Variants in SLC38A2 observed in about 807,000 individuals in gnomAD.
The protein encoded by SLC38A2 is solute carrier family 38 member 2, also known as sodium-coupled neutral amino acid symporter 2.
In SLC38A2, 11 loss-of-function variants were observed where a neutral mutation model predicts 61.5. The observed-to-expected ratio is 0.18, with a 90% CI of 0.11 to 0.30. SLC38A2 has a LOEUF of 0.30. Among genes scored for constraint, SLC38A2 ranks in the 10% least tolerant of loss-of-function variants. The pLI is 1.00. For missense variants in SLC38A2, 522 were observed against 600.4 expected (o/e 0.87, Z 1.36); for synonymous variants, 217 against 212.5 (o/e 1.02, Z -0.18).
chr12:46,372,422 T>A (rs1020195761), intron 1 of SLC38A2, 87 bp downstream of exon 1: 12 of 333,228 alleles, frequency 3.6e-5, no homozygotes, highest in Admixed American at 9.8e-5. Flanking sequence ...CGCGGCCGCC[T>A]TCCCGCGCGG....
In SLC38A2 at chr12:46,363,755, G is replaced by A; in HGVS notation, c.1025C>T (p.Ala342Val). Reference protein sequence around the residue: ...FFAMFLMYLLAALFGYLTFYE... With the variant: ...FFAMFLMYLLVALFGYLTFYE... ...AAATGTTAGGTATCCAAAGAGGGCG[G>A]CAAGCAGATACATGAGAAACATAGC... Residue 342 changes from alanine (A) to valine (V), a missense_variant, in exon 12 of 16, where the codon GCC (alanine) becomes GTC (valine). By Grantham distance (64) the Ala-to-Val change is moderately conservative. Coordinates refer to ENST00000256689, the MANE Select transcript of SLC38A2 (RefSeq NM_018976.5). 6.3e-7 allele frequency: 1 copy of A among 1,591,358 alleles called. No individual in the cohort carries two copies. Among genetic ancestry groups the A allele is most frequent in the South Asian group, 1.2e-5 (1 of 86,248 alleles).
intron 7 of SLC38A2, among the ~76,000 whole-genome samples, chr12:46,365,935 G>A (rs1445739899): frequency 2.6e-5 from 4 of 152,036 alleles, no homozygotes; most frequent in Admixed American, 2.0e-4. Flanking sequence ...CATGAATTCT[G>A]TTCACTTCAG....
chr12:46,358,262 CTT>C lies in SLC38A2; in HGVS notation c.*2847_*2848del, dbSNP rs1436844676. On this transcript the variant is annotated 3_prime_UTR_variant, in exon 16 of 16. Coordinates refer to ENST00000256689, the MANE Select transcript of SLC38A2 (RefSeq NM_018976.5). ...TGTTTCATTGAAACGGTGTAGCACT[CTT>C]TGCCAACAAGCCATACTAGAATTGT... 1.3e-5 allele frequency: 2 copies of C among 152,612 alleles called. No homozygotes were observed. Among genetic ancestry groups the C allele is most frequent in the African/African-American group, 4.8e-5 (2 of 41,442 alleles). 9.5% of individuals were successfully genotyped at this position (152,612 alleles called of 1,614,324 possible).
In SLC38A2 at chr12:46,372,716, C is replaced by T. The variant is rs1943220156; in HGVS notation, c.-294G>A. ...GCGCGAGCGTGCGGTAACGCGTGGT[C>T]GGGCTGCTGCTAGCAGTACTGGAAA... is the stretch of plus-strand genomic sequence containing the variant. On this transcript the variant is annotated 5_prime_UTR_variant, in exon 1 of 16. Coordinates refer to ENST00000256689, the MANE Select transcript of SLC38A2 (RefSeq NM_018976.5). 1.5e-5 allele frequency: 6 copies of T among 398,466 alleles called. No homozygotes were observed. Among genetic ancestry groups the T allele is most frequent in the Admixed American group, 4.4e-5 (1 of 22,740 alleles). The allele number at this position is 398,466 out of a possible 1,614,324, so 24.7% of individuals were successfully genotyped here.
At position 46,367,030 on chromosome 12, in the gene SLC38A2, C is replaced by T. The variant is rs374285202; in HGVS notation, c.481+46G>A. On this transcript the variant is annotated intron_variant, in intron 6 of 15. Transcript: ENST00000256689. ...GCATGTGTCACCATTCTGTGCTCCACAATGAGCATAAAGTCTACCCAAATA... is the reference window on the plus strand; with the variant it reads ...GCATGTGTCACCATTCTGTGCTCCATAATGAGCATAAAGTCTACCCAAATA... 3.3e-4 allele frequency: 535 copies of T among 1,600,440 alleles called. 3 individuals are homozygous for T. Among genetic ancestry groups the T allele is most frequent in the Middle Eastern group, 1.5e-3 (9 of 6,030 alleles).
intron 4 of SLC38A2, among the ~76,000 whole-genome samples, chr12:46,368,684 G>A (rs1261544647): frequency 1.3e-5 from 2 of 152,330 alleles, no homozygotes; most frequent in East Asian, 1.9e-4. Context: ...AGAGGAAGTG[G>A]CTTTACACTA....
chr12:46,364,636 A>G lies in SLC38A2; in HGVS notation c.705+8T>C, dbSNP rs1943120136. On this transcript the variant is annotated splice_region_variant and intron_variant, in intron 9 of 15. Transcript: ENST00000256689. Reference sequence around the variant, plus strand: ...AAAAATTTTTTCTAAAAAAAAAATCATACCCACCACAATCAGAAAGAACAC... The same window carrying G: ...AAAAATTTTTTCTAAAAAAAAAATCGTACCCACCACAATCAGAAAGAACAC... 2 of 1,605,490 alleles carry G rather than the reference A, an allele frequency of 1.2e-6. No homozygotes were observed. Among genetic ancestry groups the G allele is most frequent in the African/African-American group, 1.3e-5 (1 of 74,342 alleles).
At chr12:46,371,869 A>G (rs1489795072) in intron 1 of SLC38A2, among the ~76,000 whole-genome samples, 2 of 152,230 alleles carry the variant, frequency 1.3e-5, no homozygotes, top group East Asian at 1.9e-4. Context: ...TGCCGCAGAC[A>G]GCCTTCCCCA....
intron 4 of SLC38A2, among the ~76,000 whole-genome samples, chr12:46,370,035 G>A (rs1011552869): frequency 6.6e-6 from 1 of 152,058 alleles, no homozygotes; most frequent in Admixed American, 6.5e-5. Context: ...ACATGTTCCA[G>A]GCTGGGTAAA....
intron 4 of SLC38A2, 98 bp downstream of exon 4, chr12:46,370,414 G>A (rs1943182553): frequency 1.2e-6 from 1 of 864,932 alleles, no homozygotes; most frequent in Non-Finnish European, 1.9e-6. Flanking sequence ...TAACTTTTGA[G>A]TCAGCTACTC....
At chr12:46,362,981 A>G in intron 13 of SLC38A2, 40 bp downstream of exon 13, 1 of 1,609,002 alleles carries the variant, frequency 6.2e-7, no homozygotes, top group Non-Finnish European at 8.5e-7. Context: ...ACATGTCTAA[A>G]AACTCCTTCC....
chr12:46,360,967 A>C lies in SLC38A2; in HGVS notation c.*144T>G, dbSNP rs964510444. 4.9e-6 allele frequency: 3 copies of C among 609,122 alleles called. No individual in the cohort carries two copies. The highest frequency in any genetic ancestry group is 3.4e-5 in the Admixed American group (1 of 29,686). 37.7% of individuals were successfully genotyped at this position (609,122 alleles called of 1,614,324 possible). ...AAAACAAAACAAAACAAAAAAGTTC[A>C]CTTATTCTGCACTCAGAAGAACCAG... On this transcript the variant is annotated 3_prime_UTR_variant, in exon 16 of 16. Coordinates refer to ENST00000256689, the MANE Select transcript of SLC38A2 (RefSeq NM_018976.5).
chr12:46,369,308 G>A (rs1385758357), intron 4 of SLC38A2, among the ~76,000 whole-genome samples: 3 of 152,178 alleles, frequency 2.0e-5, no homozygotes, highest in Non-Finnish European at 4.4e-5. Context: ...CTTCACCTTA[G>A]TAAGAGTTCT....
chr12:46,369,362 T>C (rs560279456), intron 4 of SLC38A2, among the ~76,000 whole-genome samples: 7 of 152,322 alleles, frequency 4.6e-5, no homozygotes, highest in Non-Finnish European at 1.0e-4. Context: ...GAGTGAATCC[T>C]AGCATCTAGT....
intron 1 of SLC38A2, 71 bp downstream of exon 1, chr12:46,372,438 C>T (rs1943215850): frequency 2.7e-6 from 1 of 364,696 alleles, no homozygotes; most frequent in African/African-American, 2.1e-5. Context: ...CGCGGCCCCT[C>T]CCGGAAGCCC....
At chr12:46,366,806 G>T in intron 7 of SLC38A2, 58 bp downstream of exon 7, 3 of 1,437,182 alleles carry the variant, frequency 2.1e-6, no homozygotes, top group Non-Finnish European at 2.9e-6. Flanking sequence ...TGATAAAAAT[G>T]TATCTAACCA....
At chr12:46,367,586 C>T (rs1047667788) in intron 4 of SLC38A2, among the ~76,000 whole-genome samples, 7 of 152,152 alleles carry the variant, frequency 4.6e-5, no homozygotes, top group Admixed American at 4.6e-4. Flanking sequence ...AGGATGTCTA[C>T]CCACTGAGCC....
rs1469036598 is a variant in SLC38A2 at position 46,370,861 on chromosome 12, C to CA, written c.117-5dup. 3.0e-5 allele frequency: 48 copies of CA among 1,596,146 alleles called. No homozygotes were observed. The highest frequency in any genetic ancestry group is 2.7e-4 in the Admixed American group (15 of 56,510). On this transcript the variant is annotated splice_polypyrimidine_tract_variant and splice_region_variant and intron_variant, in intron 2 of 15. Transcript: ENST00000256689. ...AGGATCTACATCTGCATAATGGCTG[C>CA]AAAAAATATAGACATATATAATTGT...
chr12:46,365,070 G>A, intron 8 of SLC38A2, 37 bp downstream of exon 8: 1 of 1,523,524 alleles, frequency 6.6e-7, no homozygotes, highest in Non-Finnish European at 9.1e-7. Context: ...CTGGTGAGAG[G>A]CTCATTTCAA....
Sources: allele counts gnomAD v4.1 joint callset (sites outside exome capture counted in the v4.1 genomes callset), GRCh38; gene constraint gnomAD v4.1.1; transcripts MANE v1.5; gene names NCBI Gene and HGNC (gene_info 2026-07-23, HGNC 2026-07-21).